DENND1C: variants seen among roughly 807,000 people sequenced by gnomAD.
DENND1C encodes the protein DENN domain containing 1C.
A neutral mutation model predicts 87.9 loss-of-function variants in DENND1C; 64 were observed. The ratio of observed to expected loss-of-function variants is 0.73; its 90% confidence interval spans 0.60 to 0.90. DENND1C has a LOEUF of 0.90. Among genes scored for constraint, DENND1C ranks in the 40% least tolerant of loss-of-function variants. The probability of loss-of-function intolerance (pLI) is 0.00; values close to 1 mark genes in which losing one functional copy is unlikely to be tolerated. For missense variants in DENND1C, 980 were observed against 1,037.0 expected (o/e 0.95, Z 0.76); for synonymous variants, 384 against 424.4 (o/e 0.90, Z 1.17).
chr19:6,479,150 T>TG (rs1320295602), intron 4 of DENND1C, 94 bp from the exon 5 acceptor site: 119 of 1,527,606 alleles, frequency 7.8e-5, no homozygotes, highest in Middle Eastern at 4.6e-4. Context: ...CCTGAGTGTA[T>TG]GGGTCTCTAG....
intron 1 of DENND1C, chr19:6,480,380 C>T: frequency 1.6e-6 from 2 of 1,278,154 alleles, no homozygotes; most frequent in Non-Finnish European, 2.0e-6. Context: ...ATGAGACTGT[C>T]TCCTATATCT....
At position 6,481,752 on chromosome 19, in the gene DENND1C, G is replaced by A; in HGVS notation, c.-57C>T. ...CTCCCCAGGGGTCCTGGGGGCCTGTGTATGCTGGGCCCCAAGCCGGCTCAG... is the reference window on the plus strand; with the variant it reads ...CTCCCCAGGGGTCCTGGGGGCCTGTATATGCTGGGCCCCAAGCCGGCTCAG... On this transcript the variant is annotated 5_prime_UTR_variant, in exon 1 of 23. Coordinates refer to ENST00000381480, the MANE Select transcript of DENND1C (RefSeq NM_024898.4). 1 of 1,494,856 alleles carries A rather than the reference G, an allele frequency of 6.7e-7. No homozygotes were observed. 92.6% of individuals were successfully genotyped at this position (1,494,856 alleles called of 1,614,324 possible).
rs144010956 is a variant in DENND1C, at chr19:6,479,600, G to C, written c.176+69C>G. ...GGTTTCCAGATGTCTGAGTCTCTAGGTGTTGAGTCCTTGGGGCCCCTGAGA... is the reference window on the plus strand; with the variant it reads ...GGTTTCCAGATGTCTGAGTCTCTAGCTGTTGAGTCCTTGGGGCCCCTGAGA... On this transcript the variant is annotated intron_variant, in intron 4 of 22. Transcript: ENST00000381480. 3.0e-5 allele frequency: 48 copies of C among 1,592,930 alleles called. 1 individual carries two copies. The highest frequency in any genetic ancestry group is 8.4e-5 in the Admixed American group (5 of 59,840).
At chr19:6,477,579 T>G (rs1161671780) in intron 6 of DENND1C, 121 bp from the exon 7 acceptor site, 7 of 341,678 alleles carry the variant, frequency 2.0e-5, no homozygotes, top group Non-Finnish European at 3.4e-5. Context: ...GTCCTGGGAG[T>G]TTTTTTTTTT....
At chr19:6,479,447 G>GGTCCCTGGGTCCCTGT (rs2092885280) in intron 4 of DENND1C, among the ~76,000 whole-genome samples, 1 of 150,196 alleles carries the variant, frequency 6.7e-6, no homozygotes, top group Admixed American at 6.6e-5. Context: ...TGGGTCCCTG[G>GGTCCCTGGGTCCCTGT]GTTCCTGAGT....
At position 6,467,807 on chromosome 19, in the gene DENND1C, G is replaced by C; in HGVS notation, c.2103C>G (p.Pro701=). The part of the protein sequence containing the change: ...EDSTAQENPT[P]WLSTAPTEPS... The stretch of plus-strand genomic sequence containing the variant: ...GCTCAGTGGGTGCAGTGGAGAGCCA[G>C]GGAGTGGGGTTTTCCTGGGCTGTAG... The change falls in exon 23 of 23, where the codon CCC becomes CCG. Residue 701 remains proline, a synonymous_variant. Transcript: ENST00000381480. 1 of 1,542,392 alleles carries C rather than the reference G, an allele frequency of 6.5e-7. No individual in the cohort carries two copies. The highest frequency in any genetic ancestry group is 8.7e-7 in the Non-Finnish European group (1 of 1,147,244).
chr19:6,475,202 C>T (rs1385654920), intron 14 of DENND1C, 72 bp downstream of exon 14: 2 of 1,601,806 alleles, frequency 1.2e-6, no homozygotes, highest in Non-Finnish European at 1.7e-6. Context: ...CGGCCATCTA[C>T]TGTACCTATC....
chr19:6,480,957 A>G (rs1026517175), intron 1 of DENND1C, among the ~76,000 whole-genome samples: 1 of 151,752 alleles, frequency 6.6e-6, no homozygotes, highest in African/African-American at 2.4e-5. Flanking sequence ...GAGCAAGTGA[A>G]TGACATCTAT....
In DENND1C at chr19:6,468,635, A is replaced by G; in HGVS notation, c.1526T>C (p.Leu509Pro). 1 of 1,490,906 alleles carries G rather than the reference A, an allele frequency of 6.7e-7. No individual in the cohort carries two copies. Among genetic ancestry groups the G allele is most frequent in the Non-Finnish European group, 8.9e-7 (1 of 1,123,272 alleles). 92.4% of individuals were successfully genotyped at this position (1,490,906 alleles called of 1,614,324 possible). ...CAGCTGGCGTCTCCTGCTGGGGCGA[A>G]GGGGCCGGTTCTGCAAAGGGTGGGG... is the stretch of plus-strand genomic sequence containing the variant. ...ITQHFGKNRP[L>P]RPSRRRQLEE... The change falls in exon 21 of 23, where the codon CTT becomes CCT. Residue 509 changes from leucine to proline, a missense_variant. Transcript: ENST00000381480.
At chr19:6,469,939 G>A in intron 18 of DENND1C, 1 of 477,120 alleles carries the variant, frequency 2.1e-6, no homozygotes, top group South Asian at 2.9e-5. Context: ...ATTTTGAGCT[G>A]CAAAAATTGG....
chr19:6,468,203 G>A, intron 22 of DENND1C, 31 bp downstream of exon 22: 1 of 1,612,674 alleles, frequency 6.2e-7, no homozygotes, highest in East Asian at 2.2e-5. Context: ...AAGACTTGGG[G>A]TAGGGTTGGG....
intron 17 of DENND1C, among the ~76,000 whole-genome samples, chr19:6,470,620 G>GCTT (rs376035899): frequency 8.7e-6 from 1 of 114,782 alleles, no homozygotes; most frequent in Non-Finnish European, 1.7e-5. Flanking sequence ...GTTTTTTTTT[G>GCTT]TTTTTTTTTT....
rs1913439397 is a variant in DENND1C, at chr19:6,480,065, A to G, written c.18-14T>C. The G allele has an allele frequency of 1.2e-6, 2 of 1,601,466 alleles. No homozygotes were observed. The highest frequency in any genetic ancestry group is 8.5e-7 in the Non-Finnish European group (1 of 1,175,004). ...GGGGAGCCCCCTCTGTGGGATGCAG[A>G]AGGGGTCCAGAGACTTGCTTCTATG... On this transcript the variant is annotated splice_polypyrimidine_tract_variant and intron_variant, in intron 1 of 22. Coordinates refer to ENST00000381480, the MANE Select transcript of DENND1C (RefSeq NM_024898.4).
At position 6,475,264 on chromosome 19, in the gene DENND1C, C is replaced by G. The variant is rs1486487259; in HGVS notation, c.1053+10G>C. 3.7e-6 allele frequency: 6 copies of G among 1,612,872 alleles called. No individual in the cohort carries two copies. Among genetic ancestry groups the G allele is most frequent in the Non-Finnish European group, 5.1e-6 (6 of 1,179,854 alleles). The stretch of plus-strand genomic sequence containing the variant: ...CACGAGACCTCTCCCGCAGCGTCCC[C>G]GCTGCTCACCGGGCTGCAGACGAGT... On this transcript the variant is annotated intron_variant, in intron 14 of 22. Transcript: ENST00000381480.
At chr19:6,473,064 T>A in intron 14 of DENND1C, 71 bp from the exon 15 acceptor site, 1 of 1,157,422 alleles carries the variant, frequency 8.6e-7, no homozygotes, top group Non-Finnish European at 1.2e-6. Context: ...TATATATTTA[T>A]GTAGCAAACA....
rs2092857470 is a variant in DENND1C, at chr19:6,475,951, G to A, written c.679-14C>T. The A allele has an allele frequency of 6.5e-7, 1 of 1,545,656 alleles. No individual in the cohort carries two copies. The highest frequency in any genetic ancestry group is 8.7e-7 in the Non-Finnish European group (1 of 1,155,646). ...GCACGAGGTCAGCTGGGGAGCGATG[G>A]CGGGGCGTGGAGTCAGGGCCTGGAC... On this transcript the variant is annotated splice_polypyrimidine_tract_variant and intron_variant, in intron 10 of 22. Coordinates refer to ENST00000381480, the MANE Select transcript of DENND1C (RefSeq NM_024898.4).
In DENND1C at chr19:6,481,722, G is replaced by A. The variant is rs750622762; in HGVS notation, c.-27C>T. The A allele has an allele frequency of 5.1e-6, 8 of 1,560,290 alleles. No homozygotes were observed. The highest frequency in any genetic ancestry group is 1.7e-6 in the Non-Finnish European group (2 of 1,156,140). ...GTCCCTGCAGGGCCAGCCCAGCGGG[G>A]CCCTCTCCCCAGGGGTCCTGGGGGC... On this transcript the variant is annotated 5_prime_UTR_variant, in exon 1 of 23. Transcript: ENST00000381480.
At chr19:6,469,185 C>T (rs2092814375) in intron 19 of DENND1C, among the ~76,000 whole-genome samples, 1 of 152,192 alleles carries the variant, frequency 6.6e-6, no homozygotes, top group Admixed American at 6.5e-5. Flanking sequence ...GCGTGCGCCA[C>T]CATACCCAGC....
Position 6,469,586 on chromosome 19 carries a change from T to C in DENND1C, c.1407+10A>G. On this transcript the variant is annotated intron_variant, in intron 19 of 22. Coordinates refer to ENST00000381480, the MANE Select transcript of DENND1C (RefSeq NM_024898.4). Reference sequence around the variant, plus strand: ...GGGGTGAGCCACTGCACCCGGCCAGTTGATCTTACCTTATACATTAGAAGG... The same window carrying C: ...GGGGTGAGCCACTGCACCCGGCCAGCTGATCTTACCTTATACATTAGAAGG... 1 of 1,602,948 alleles carries C rather than the reference T, an allele frequency of 6.2e-7. No homozygotes were observed. Among genetic ancestry groups the C allele is most frequent in the Non-Finnish European group, 8.5e-7 (1 of 1,175,038 alleles).
Sources: allele counts gnomAD v4.1 joint callset (sites outside exome capture counted in the v4.1 genomes callset), GRCh38; gene constraint gnomAD v4.1.1; transcripts MANE v1.5; gene names NCBI Gene and HGNC (gene_info 2026-07-23, HGNC 2026-07-21).